The following FBXO8 variants were observed in gnomAD, a reference collection of about 807,000 sequenced individuals.
FBXO8 encodes F-box only protein 8.
FBXO8 carries 15 observed loss-of-function variants against 33.4 expected under a neutral mutation model. The observed-to-expected ratio is 0.45, with a 90% CI of 0.30 to 0.69. The LOEUF is 0.69. Ranked by LOEUF, FBXO8 falls within the 30% of genes least tolerant of loss-of-function variation. The pLI is 0.08. For missense variants in FBXO8, 274 were observed against 380.3 expected (o/e 0.72, Z 2.32); for synonymous variants, 132 against 131.5 (o/e 1.00, Z -0.02).
rs751068500 is a variant in FBXO8, at chr4:174,241,253, T to G, written c.457-35A>C. ...AAAGACAAGTCTACATAAATAAAAT[T>G]GCTCTTTATTTATGCATTTTAACAA... On this transcript the variant is annotated intron_variant, in intron 3 of 5. Transcript: ENST00000393674. This position sits in a 1 kb window ranked among gnomAD's most constrained non-coding sequence, Gnocchi z 4.2. 3.9e-6 allele frequency: 5 copies of G among 1,289,398 alleles called. No homozygotes were observed. Among genetic ancestry groups the G allele is most frequent in the Non-Finnish European group, 5.5e-6 (5 of 906,288 alleles). 79.9% of individuals were successfully genotyped at this position (1,289,398 alleles called of 1,614,324 possible).
Position 174,263,956 on chromosome 4 carries a change from G to A in FBXO8, c.-8-856C>T, listed in dbSNP as rs1338942117. 1.3e-5 allele frequency among the ~76,000 whole-genome samples: 2 copies of A among 152,068 alleles called. No homozygotes were observed. The highest frequency in any genetic ancestry group is 2.9e-5 in the Non-Finnish European group (2 of 68,008). On this transcript the variant is annotated intron_variant, in intron 1 of 5. Transcript: ENST00000393674. The surrounding 1 kb of genome is among the most constrained non-coding windows in gnomAD (Gnocchi z 4.2). The stretch of plus-strand genomic sequence containing the variant: ...TTAGAAAATTCCTAGAGCTAGATTT[G>A]GCATTGCCTTTAAATAGCTTTTCTG...
At position 174,261,846 on chromosome 4, in the gene FBXO8, T is replaced by C. The variant is rs1334750773; in HGVS notation, c.329+918A>G. ...CAATTAGATTTCTAGTTTGAAATTA[T>C]AGGAAGTCTTAAAAAGATATTTGTT... On this transcript the variant is annotated intron_variant, in intron 2 of 5. Coordinates refer to ENST00000393674, the MANE Select transcript of FBXO8 (RefSeq NM_012180.3). The surrounding 1 kb of genome is among the most constrained non-coding windows in gnomAD (Gnocchi z 4.1). Among the ~76,000 whole-genome samples, 3 of 152,198 alleles carry C rather than the reference T, an allele frequency of 2.0e-5. No individual in the cohort carries two copies. The highest frequency in any genetic ancestry group is 2.1e-4 in the South Asian group (1 of 4,828).
Position 174,253,346 on chromosome 4 carries a change from A to C in FBXO8, c.456+6353T>G, listed in dbSNP as rs1736340375. 6.6e-6 allele frequency among the ~76,000 whole-genome samples: 1 copy of C among 152,156 alleles called. No individual in the cohort carries two copies. The highest frequency in any genetic ancestry group is 1.5e-5 in the Non-Finnish European group (1 of 68,028). On this transcript the variant is annotated intron_variant, in intron 3 of 5. Transcript: ENST00000393674. This position sits in a 1 kb window ranked among gnomAD's most constrained non-coding sequence, Gnocchi z 4.5. ...TATTTCCCTCTGGTTATCAGGCTTA[A>C]CCACTTCAATCACAGCATAACCACC...
In FBXO8 at chr4:174,262,794, T is replaced by C. The variant is rs1360938223; in HGVS notation, c.299A>G (p.Asp100Gly). ...DLCLASCVWQ[D>G]LANDELLWQG... ...CCAGAGAAGTTCATCATTCGCAAGG[T>C]CCTGCCAAACACATGAAGCCAAGCA... The change falls in exon 2 of 6, where the codon GAC (aspartate) becomes GGC (glycine). Residue 100 changes from aspartate (D) to glycine (G), a missense_variant. Transcript: ENST00000393674. This position sits in a 1 kb window ranked among gnomAD's most constrained non-coding sequence, Gnocchi z 4.6. 2 of 1,613,880 alleles carry C rather than the reference T, an allele frequency of 1.2e-6. No individual in the cohort carries two copies. Among genetic ancestry groups the C allele is most frequent in the Non-Finnish European group, 1.7e-6 (2 of 1,179,854 alleles).
At position 174,261,620 on chromosome 4, in the gene FBXO8, CCT is replaced by C. The variant is rs907823236; in HGVS notation, c.329+1142_329+1143del. 2.0e-5 allele frequency among the ~76,000 whole-genome samples: 3 copies of C among 151,838 alleles called. No homozygotes were observed. Among genetic ancestry groups the C allele is most frequent in the African/African-American group, 7.2e-5 (3 of 41,400 alleles). ...TAAAGACTCCTCATTAACAGAATTT[CCT>C]CTCACGTAGTACTTTCACTATGTCA... On this transcript the variant is annotated intron_variant, in intron 2 of 5. Transcript: ENST00000393674. This position sits in a 1 kb window ranked among gnomAD's most constrained non-coding sequence, Gnocchi z 4.1.
Position 174,259,482 on chromosome 4 carries a change from A to C in FBXO8, c.456+217T>G, listed in dbSNP as rs1013613147. On this transcript the variant is annotated intron_variant, in intron 3 of 5. Coordinates refer to ENST00000393674, the MANE Select transcript of FBXO8 (RefSeq NM_012180.3). This position sits in a 1 kb window ranked among gnomAD's most constrained non-coding sequence, Gnocchi z 4.3. ...CTGAATATATATCATGGATGCTGCT[A>C]CATAAAGTGAACAGGTAGAAAGGTT... Among the ~76,000 whole-genome samples, 2 of 152,122 alleles carry C rather than the reference A, an allele frequency of 1.3e-5. No individual in the cohort carries two copies. The highest frequency in any genetic ancestry group is 4.8e-5 in the African/African-American group (2 of 41,460).
At position 174,256,711 on chromosome 4, in the gene FBXO8, T is replaced by C. The variant is rs942923289; in HGVS notation, c.456+2988A>G. On this transcript the variant is annotated intron_variant, in intron 3 of 5. Transcript: ENST00000393674. The surrounding 1 kb of genome is among the most constrained non-coding windows in gnomAD (Gnocchi z 4.6). ...TCCTATATATTTCCTAAGTGCATTCTGGTAAAGATAGCATTTTCTTTTGCT... is the reference window on the plus strand; with the variant it reads ...TCCTATATATTTCCTAAGTGCATTCCGGTAAAGATAGCATTTTCTTTTGCT... Among the ~76,000 whole-genome samples the C allele has an allele frequency of 6.6e-6, 1 of 152,206 alleles. No homozygotes were observed. The highest frequency in any genetic ancestry group is 1.5e-5 in the Non-Finnish European group (1 of 68,024).
rs769628505 is a variant in FBXO8, at chr4:174,283,201, C to G, written c.-9+209G>C. 1.4e-4 allele frequency among the ~76,000 whole-genome samples: 21 copies of G among 152,218 alleles called. No homozygotes were observed. Among genetic ancestry groups the G allele is most frequent in the Non-Finnish European group, 2.5e-4 (17 of 68,046 alleles). ...GGCCTAGAAACAGAAGGAACACACC[C>G]AGTTCCGCCTCCTGACAGTGATTCC... On this transcript the variant is annotated intron_variant, in intron 1 of 5. Coordinates refer to ENST00000393674, the MANE Select transcript of FBXO8 (RefSeq NM_012180.3). The surrounding 1 kb of genome is among the most constrained non-coding windows in gnomAD (Gnocchi z 6.7).
rs1292542402 is a variant in FBXO8 at position 174,241,243 on chromosome 4, T to TAA, written c.457-27_457-26dup. On this transcript the variant is annotated intron_variant, in intron 3 of 5. Coordinates refer to ENST00000393674, the MANE Select transcript of FBXO8 (RefSeq NM_012180.3). The surrounding 1 kb of genome is among the most constrained non-coding windows in gnomAD (Gnocchi z 4.2). ...CCTAAGGCAGAAAGACAAGTCTACATAAATAAAATTGCTCTTTATTTATGC... is the reference window on the plus strand; with the variant it reads ...CCTAAGGCAGAAAGACAAGTCTACATAAAAATAAAATTGCTCTTTATTTATGC... 7.3e-7 allele frequency: 1 copy of TAA among 1,368,438 alleles called. No individual in the cohort carries two copies. Among genetic ancestry groups the TAA allele is most frequent in the South Asian group, 1.2e-5 (1 of 80,128 alleles). 84.8% of individuals were successfully genotyped at this position (1,368,438 alleles called of 1,614,324 possible). A position where few individuals can be genotyped will look rare whatever the true frequency, so the allele number is the denominator to read the frequency against.
At position 174,267,965 on chromosome 4, in the gene FBXO8, CTTTA is replaced by C. The variant is rs1403915704; in HGVS notation, c.-8-4869_-8-4866del. Among the ~76,000 whole-genome samples, 8 of 152,116 alleles carry C rather than the reference CTTTA, an allele frequency of 5.3e-5. No individual in the cohort carries two copies. The highest frequency in any genetic ancestry group is 1.9e-4 in the African/African-American group (8 of 41,422). On this transcript the variant is annotated intron_variant, in intron 1 of 5. Coordinates refer to ENST00000393674, the MANE Select transcript of FBXO8 (RefSeq NM_012180.3). This position sits in a 1 kb window ranked among gnomAD's most constrained non-coding sequence, Gnocchi z 4.7. ...TATGGATTTTGTGATGAAACTACAGCTTTATTTGTTCACTCAAAATAGGTGGAGA... is the reference window on the plus strand; with the variant it reads ...TATGGATTTTGTGATGAAACTACAGCTTTGTTCACTCAAAATAGGTGGAGA...
intron 3 of FBXO8, among the ~76,000 whole-genome samples, chr4:174,244,898 A>G (rs1157128873): frequency 1.3e-5 from 2 of 151,768 alleles, no homozygotes; most frequent in Non-Finnish European, 2.9e-5. Flanking sequence ...GATTTTTTTA[A>G]AAAAGTATCC....
rs78848267 is a variant in FBXO8 at position 174,237,853 on chromosome 4, C to A, written c.773-254G>T. On this transcript the variant is annotated intron_variant, in intron 5 of 5. Transcript: ENST00000393674. This position sits in a 1 kb window ranked among gnomAD's most constrained non-coding sequence, Gnocchi z 4.4. The stretch of plus-strand genomic sequence containing the variant: ...CTTAATACTAACTAAGCATGCATTT[C>A]CTTCATTTCAAAAGAACTTTAGAAC... 3.3e-3 allele frequency among the ~76,000 whole-genome samples: 509 copies of A among 152,108 alleles called. 3 individuals carry two copies. Among genetic ancestry groups the A allele is most frequent in the African/African-American group, 0.012 (480 of 41,514 alleles).
intron 3 of FBXO8, among the ~76,000 whole-genome samples, chr4:174,258,058 T>G (rs1736458216): frequency 6.6e-6 from 1 of 152,124 alleles, no homozygotes; most frequent in Non-Finnish European, 1.5e-5. Flanking sequence ...ATAAAGTTCA[T>G]CATATGAACT....
intron 3 of FBXO8, among the ~76,000 whole-genome samples, chr4:174,250,008 C>T (rs79749835): frequency 0.022 from 3,379 of 152,042 alleles, 128 homozygotes; most frequent in African/African-American, 0.075. Flanking sequence ...AGAACAGTGC[C>T]TGGTTCTTGG....
rs1185803627 is a variant in FBXO8 at position 174,270,126 on chromosome 4, T to G, written c.-8-7026A>C. Reference sequence around the variant, plus strand: ...GGACTGGCAACCAAACTGTGCGACCTTGAACACTCAGTGGTATTGTGTATA... The same window carrying G: ...GGACTGGCAACCAAACTGTGCGACCGTGAACACTCAGTGGTATTGTGTATA... On this transcript the variant is annotated intron_variant, in intron 1 of 5. Coordinates refer to ENST00000393674, the MANE Select transcript of FBXO8 (RefSeq NM_012180.3). This position sits in a 1 kb window ranked among gnomAD's most constrained non-coding sequence, Gnocchi z 4.6. 6.6e-6 allele frequency among the ~76,000 whole-genome samples: 1 copy of G among 152,226 alleles called. No individual in the cohort carries two copies.
rs1363963585 is a variant in FBXO8, at chr4:174,256,418, G to A, written c.456+3281C>T. Among the ~76,000 whole-genome samples the A allele has an allele frequency of 6.6e-6, 1 of 152,084 alleles. No individual in the cohort carries two copies. Among genetic ancestry groups the A allele is most frequent in the Non-Finnish European group, 1.5e-5 (1 of 68,008 alleles). On this transcript the variant is annotated intron_variant, in intron 3 of 5. Transcript: ENST00000393674. The surrounding 1 kb of genome is among the most constrained non-coding windows in gnomAD (Gnocchi z 4.6). ...CAAAATACAGTCTCCAAAAAGTACT[G>A]CCTAATTTTGAGCACTCAAAAAACT...
Position 174,252,025 on chromosome 4 carries a change from G to A in FBXO8, c.456+7674C>T, listed in dbSNP as rs1407904403. Among the ~76,000 whole-genome samples, 1 of 152,182 alleles carries A rather than the reference G, an allele frequency of 6.6e-6. No homozygotes were observed. The highest frequency in any genetic ancestry group is 1.5e-5 in the Non-Finnish European group (1 of 68,026). ...GCTTTGTCACTCAGGCTGGAGTGCAGTGGCATGATCATGGCTCACTGAAGC... is the reference window on the plus strand; with the variant it reads ...GCTTTGTCACTCAGGCTGGAGTGCAATGGCATGATCATGGCTCACTGAAGC... On this transcript the variant is annotated intron_variant, in intron 3 of 5. Coordinates refer to ENST00000393674, the MANE Select transcript of FBXO8 (RefSeq NM_012180.3). This position sits in a 1 kb window ranked among gnomAD's most constrained non-coding sequence, Gnocchi z 5.1.
At chr4:174,239,918 T>C (rs1396693790) in intron 4 of FBXO8, among the ~76,000 whole-genome samples, 2 of 151,748 alleles carry the variant, frequency 1.3e-5, no homozygotes, top group Non-Finnish European at 3.0e-5. Flanking sequence ...CATGATTTTA[T>C]GATCAAATCT....
intron 1 of FBXO8, among the ~76,000 whole-genome samples, chr4:174,271,920 T>G (rs1291099785): frequency 6.6e-6 from 1 of 152,208 alleles, no homozygotes; most frequent in Non-Finnish European, 1.5e-5. Context: ...TAGGAGGTAC[T>G]CATCAAAGTT....
Sources: gnomAD v4.1 joint callset for allele counts (sites outside exome capture counted in the v4.1 genomes callset) on GRCh38, gnomAD v4.1.1 for gene constraint, Gnocchi (gnomAD v3.1) non-coding constraint, MANE v1.5 for transcripts, NCBI Gene and HGNC (gene_info 2026-07-23, HGNC 2026-07-21) for gene names.